Variants in USP34 observed in about 807,000 individuals in gnomAD.
USP34 encodes the protein ubiquitin specific peptidase 34, also known as ubiquitin carboxyl-terminal hydrolase 34.
USP34 carries 70 observed loss-of-function variants against 460.3 expected under a neutral mutation model. That is an observed-to-expected ratio of 0.15 (90% confidence interval 0.13 to 0.19). The LOEUF is 0.19. Among genes scored for constraint, USP34 ranks in the 10% least tolerant of loss-of-function variants. The pLI, the probability that USP34 is intolerant of heterozygous loss-of-function variation, is 1.00. For synonymous variants in USP34, 1,647 were observed against 1,405.3 expected (o/e 1.17, Z -3.85); for missense variants, 3,985 against 4,236.2 (o/e 0.94, Z 1.65).
At chr2:61,316,508 C>A (rs1043810645) in intron 23 of USP34, among the ~76,000 whole-genome samples, 1 of 152,014 alleles carries the variant, frequency 6.6e-6, no homozygotes, top group African/African-American at 2.4e-5. Context: ...TCGCTTGAAC[C>A]CAGGAGGTGG....
At chr2:61,458,768 C>T (rs1695511972) in intron 1 of USP34, among the ~76,000 whole-genome samples, 1 of 152,000 alleles carries the variant, frequency 6.6e-6, no homozygotes, top group South Asian at 2.1e-4. Context: ...TTGAATCTTC[C>T]ATCTTCCTTA....
At chr2:61,201,071 A>G (rs1686961709) in intron 75 of USP34, among the ~76,000 whole-genome samples, 1 of 152,098 alleles carries the variant, frequency 6.6e-6, no homozygotes, top group African/African-American at 2.4e-5. Context: ...ACATTTGGCT[A>G]TTTAAATTTA....
At chr2:61,286,580 G>A (rs1442673820) in intron 34 of USP34, among the ~76,000 whole-genome samples, 1 of 152,020 alleles carries the variant, frequency 6.6e-6, no homozygotes, top group Non-Finnish European at 1.5e-5. Flanking sequence ...GCTTGAACAC[G>A]GGAGGCAGAG....
intron 32 of USP34, among the ~76,000 whole-genome samples, chr2:61,293,961 G>A (rs1029584105): frequency 6.6e-6 from 1 of 152,152 alleles, no homozygotes; most frequent in Admixed American, 6.5e-5. Flanking sequence ...GCTGCAGTCA[G>A]CCATGATCAT....
chr2:61,275,215 G>A (rs966030110), intron 41 of USP34, among the ~76,000 whole-genome samples: 4 of 152,106 alleles, frequency 2.6e-5, no homozygotes, highest in African/African-American at 9.7e-5. Flanking sequence ...GGAGGTGGAG[G>A]TTGCAGTGAG....
At chr2:61,326,131 G>C (rs745667528) in intron 20 of USP34, among the ~76,000 whole-genome samples, 8 of 152,112 alleles carry the variant, frequency 5.3e-5, no homozygotes, top group Non-Finnish European at 1.2e-4. Flanking sequence ...AGTCAGGGAA[G>C]AGTGCTGGTG....
At chr2:61,303,679 C>T (rs991972708) in intron 27 of USP34, among the ~76,000 whole-genome samples, 3 of 151,742 alleles carry the variant, frequency 2.0e-5, no homozygotes, top group African/African-American at 7.3e-5. Flanking sequence ...TCACTGCAAG[C>T]TCCGCCTCCT....
At chr2:61,397,478 G>A (rs1392678448) in intron 3 of USP34, among the ~76,000 whole-genome samples, 1 of 148,830 alleles carries the variant, frequency 6.7e-6, no homozygotes, top group Non-Finnish European at 1.5e-5. Context: ...TGAAAAGACT[G>A]CTTTTGGCCA....
chr2:61,373,578 C>T (rs536267318), intron 8 of USP34, among the ~76,000 whole-genome samples: 2 of 152,160 alleles, frequency 1.3e-5, no homozygotes, highest in Non-Finnish European at 2.9e-5. Flanking sequence ...AAAAAAGGAT[C>T]AAGTTACCAG....
At position 61,470,638 on chromosome 2, in the gene USP34, G is replaced by C. The variant is rs770039827; in HGVS notation, c.43+12C>G. 6.3e-7 allele frequency: 1 copy of C among 1,586,922 alleles called. No individual in the cohort carries two copies. Among genetic ancestry groups the C allele is most frequent in the African/African-American group, 1.4e-5 (1 of 72,128 alleles). On this transcript the variant is annotated intron_variant, in intron 1 of 79. Coordinates refer to ENST00000398571, the MANE Select transcript of USP34 (RefSeq NM_014709.4). ...CCGTGCACCCCGACAGGCCGCTACC[G>C]CGGCTACTTACTTTCATTTAACACC...
chr2:61,442,942 T>G (rs952702781), intron 1 of USP34, among the ~76,000 whole-genome samples: 3 of 116,916 alleles, frequency 2.6e-5, no homozygotes, highest in Admixed American at 2.5e-4. Flanking sequence ...CACAGAGGAA[T>G]ATTATACATC....
At chr2:61,330,966 A>G (rs1247141604) in intron 20 of USP34, among the ~76,000 whole-genome samples, 1 of 152,158 alleles carries the variant, frequency 6.6e-6, no homozygotes, top group African/African-American at 2.4e-5. Context: ...TAAAACAAGC[A>G]TATCTATGGT....
chr2:61,398,376 G>A (rs1401295526), intron 3 of USP34, among the ~76,000 whole-genome samples: 1 of 149,838 alleles, frequency 6.7e-6, no homozygotes, highest in Non-Finnish European at 1.5e-5. Flanking sequence ...AAGAGAAGGA[G>A]GAGAGAGATG....
chr2:61,200,243 A>AG (rs1686935612), intron 75 of USP34: 1 of 152,334 alleles, frequency 6.6e-6, no homozygotes, highest in Non-Finnish European at 1.5e-5. Context: ...TTTGTAGAGA[A>AG]GGGGTCTCCC....
In USP34 at chr2:61,257,067, G is replaced by A. The variant is rs763211931; in HGVS notation, c.6033C>T (p.Asn2011=). 6 of 1,577,018 alleles carry A rather than the reference G, an allele frequency of 3.8e-6. No homozygotes were observed. The East Asian group carries it at 1.3e-4, about 35-fold the overall frequency. Reference sequence around the variant, plus strand: ...TAATACTTACCAAGGATACAACATTGTTTGTAATTACACCTCCAAATAAAC... The same window carrying A: ...TAATACTTACCAAGGATACAACATTATTTGTAATTACACCTCCAAATAAAC... ...VKSLFGGVIT[N]NVVSLDCEHV... is the part of the protein sequence containing the mutation. Residue 2011 remains asparagine, a synonymous_variant, in exon 46 of 80, where the codon AAC becomes AAT. Transcript: ENST00000398571.
chr2:61,239,294 GC>G (rs1479483917), intron 53 of USP34, among the ~76,000 whole-genome samples: 1 of 123,048 alleles, frequency 8.1e-6, no homozygotes, highest in Non-Finnish European at 1.6e-5. Context: ...TTAAATGAGG[GC>G]CCTGTCACAC....
intron 41 of USP34, among the ~76,000 whole-genome samples, chr2:61,274,747 A>C (rs1265794948): frequency 6.6e-6 from 1 of 152,340 alleles, no homozygotes; most frequent in African/African-American, 2.4e-5. Flanking sequence ...CTCAGGTTGT[A>C]GGTACAGCCA....
chr2:61,451,723 C>T (rs1250167536), intron 1 of USP34, among the ~76,000 whole-genome samples: 3 of 151,642 alleles, frequency 2.0e-5, no homozygotes, highest in African/African-American at 7.3e-5. Context: ...ACAGACCTGG[C>T]ATTTCAAATC....
chr2:61,208,849 G>A, intron 70 of USP34, 50 bp downstream of exon 70: 1 of 1,367,292 alleles, frequency 7.3e-7, no homozygotes, highest in Admixed American at 2.1e-5. Flanking sequence ...GTCTTGGTGA[G>A]AACATTAAAA....
Sources: gnomAD v4.1 joint callset for allele counts (sites outside exome capture counted in the v4.1 genomes callset) on GRCh38, gnomAD v4.1.1 for gene constraint, MANE v1.5 for transcripts, NCBI Gene and HGNC (gene_info 2026-07-23, HGNC 2026-07-21) for gene names.